BMP2K: variants seen among roughly 807,000 people sequenced by gnomAD.
BMP2K encodes BMP-2-inducible protein kinase.
Under a neutral mutation model 116.0 loss-of-function variants are expected in BMP2K, and 74 were observed. That is an observed-to-expected ratio of 0.64 (90% CI 0.53 to 0.77). The LOEUF is 0.77. BMP2K is among the 30% of genes least tolerant of loss of function. The probability of loss-of-function intolerance (pLI) is 0.00; values close to 1 mark genes in which losing one functional copy is unlikely to be tolerated. For missense variants in BMP2K, 1,365 were observed against 1,403.6 expected, an observed-to-expected ratio of 0.97 and a Z score of 0.44; for synonymous variants, 486 against 502.5, an observed-to-expected ratio of 0.97 and a Z score of 0.44.
chr4:78,872,220 G>A (rs1732393354), intron 12 of BMP2K: 1 of 245,166 alleles, frequency 4.1e-6, no homozygotes, highest in Admixed American at 6.8e-5. Flanking sequence ...TTCGTCACAT[G>A]TCTCTTTCAT....
At chr4:78,838,365 C>T (rs576096173) in intron 3 of BMP2K, among the ~76,000 whole-genome samples, 8 of 152,268 alleles carry the variant, frequency 5.3e-5, no homozygotes, top group African/African-American at 9.6e-5. Context: ...AAGTTTTCTT[C>T]GGATGTTTTA....
At chr4:78,873,385 C>T (rs79951663) in intron 13 of BMP2K, among the ~76,000 whole-genome samples, 1,615 of 152,232 alleles carry the variant, frequency 0.011, 23 homozygotes, top group African/African-American at 0.037. Flanking sequence ...CAAAATGGCA[C>T]GTGCTTTAGC....
chr4:78,897,183 A>C (rs1192902805), intron 15 of BMP2K, among the ~76,000 whole-genome samples: 5 of 145,454 alleles, frequency 3.4e-5, no homozygotes, highest in Non-Finnish European at 7.4e-5. Flanking sequence ...CAGCTTAAGA[A>C]AATGTTTTTT....
At chr4:78,877,754 T>C (rs1732698544) in intron 13 of BMP2K, among the ~76,000 whole-genome samples, 1 of 152,240 alleles carries the variant, frequency 6.6e-6, no homozygotes, top group East Asian at 1.9e-4. Context: ...TGCTATACTT[T>C]TATACAACTG....
chr4:78,912,309 G>A lies in BMP2K; in HGVS notation c.*276G>A, dbSNP rs1734682687. On this transcript the variant is annotated 3_prime_UTR_variant, in exon 16 of 16. Transcript: ENST00000502613. ...CAGAAATGCAAGTGTGGTACTTCCA[G>A]TGAAAGCACATGGCACCTTTCTAGG... 1 of 340,862 alleles carries A rather than the reference G, an allele frequency of 2.9e-6. No homozygotes were observed. The highest frequency in any genetic ancestry group is 2.1e-5 in the African/African-American group (1 of 47,522). The allele number at this position is 340,862 out of a possible 1,614,324, so 21.1% of individuals were successfully genotyped here.
At chr4:78,791,224 G>A (rs1727981114) in intron 1 of BMP2K, among the ~76,000 whole-genome samples, 1 of 151,996 alleles carries the variant, frequency 6.6e-6, no homozygotes, top group Non-Finnish European at 1.5e-5. Context: ...TTTGGTAATG[G>A]TTCTCAAAGT....
chr4:78,900,388 T>C (rs1733934963), intron 15 of BMP2K, among the ~76,000 whole-genome samples: 1 of 152,146 alleles, frequency 6.6e-6, no homozygotes, highest in Non-Finnish European at 1.5e-5. Flanking sequence ...AATCCCCTCA[T>C]TGTTCAAGGC....
At chr4:78,799,837 A>G (rs1414629781) in intron 1 of BMP2K, among the ~76,000 whole-genome samples, 1 of 152,226 alleles carries the variant, frequency 6.6e-6, no homozygotes, top group African/African-American at 2.4e-5. Flanking sequence ...CTGCCAACTC[A>G]GGTTGAAAGT....
At chr4:78,855,681 A>AGT (rs1292185669) in intron 7 of BMP2K, among the ~76,000 whole-genome samples, 2 of 152,154 alleles carry the variant, frequency 1.3e-5, no homozygotes, top group Non-Finnish European at 2.9e-5. Context: ...GCCTCAGACC[A>AGT]GTGTGTACAT....
intron 14 of BMP2K, among the ~76,000 whole-genome samples, chr4:78,882,115 T>A (rs1256672284): frequency 8.6e-5 from 13 of 151,912 alleles, no homozygotes; most frequent in Non-Finnish European, 1.5e-4. Flanking sequence ...GTTATTTTTT[T>A]AAAAACAAAA....
chr4:78,858,522 A>C (rs1252900491), intron 7 of BMP2K, among the ~76,000 whole-genome samples: 1 of 151,922 alleles, frequency 6.6e-6, no homozygotes, highest in Admixed American at 6.6e-5. Context: ...CTCTCAAATA[A>C]ATTATAACTT....
intron 15 of BMP2K, among the ~76,000 whole-genome samples, chr4:78,894,762 T>C (rs114948830): frequency 0.065 from 9,822 of 152,276 alleles, 1,023 homozygotes; most frequent in African/African-American, 0.22. Context: ...GCTTTTGACC[T>C]ATCTCAGCTT....
chr4:78,846,221 G>A (rs1730992197), intron 5 of BMP2K, among the ~76,000 whole-genome samples: 1 of 151,522 alleles, frequency 6.6e-6, no homozygotes, highest in South Asian at 2.1e-4. Flanking sequence ...CTCAATTAAT[G>A]GACTTACCAT....
At chr4:78,844,779 ATACT>A in intron 4 of BMP2K, 145 bp from the exon 5 acceptor site, 1 of 644,508 alleles carries the variant, frequency 1.6e-6, no homozygotes, top group Non-Finnish European at 2.7e-6. Flanking sequence ...TGGCACATGT[ATACT>A]TATTTTTGTA....
Position 78,801,660 on chromosome 4 carries a change from C to T in BMP2K, c.179-24377C>T, listed in dbSNP as rs1186205677. On this transcript the variant is annotated intron_variant, in intron 1 of 15. Transcript: ENST00000502613. ...TCTCTTTTCTCCATTTTATTTCTTG[C>T]CCTCTGCTATCTGGAAGACATATAT... Among the ~76,000 whole-genome samples, 4 of 152,076 alleles carry T rather than the reference C, an allele frequency of 2.6e-5. No homozygotes were observed. In the East Asian group the frequency reaches 5.8e-4, roughly 22 times the overall value.
chr4:78,790,128 C>T lies in BMP2K; in HGVS notation c.178+13407C>T, dbSNP rs149850962. On this transcript the variant is annotated intron_variant, in intron 1 of 15. Transcript: ENST00000502613. The stretch of plus-strand genomic sequence containing the variant: ...TATAAATTCCTATGATATTATAAAA[C>T]AGTTTCCTTAAAAATGACATGACAT... Among the ~76,000 whole-genome samples the T allele has an allele frequency of 2.6e-3, 394 of 152,246 alleles. 1 individual carries two copies. Among genetic ancestry groups the T allele is most frequent in the Non-Finnish European group, 4.4e-3 (302 of 68,000 alleles).
Position 78,778,265 on chromosome 4 carries a change from A to G in BMP2K, c.178+1544A>G, listed in dbSNP as rs117154515. 6.6e-5 allele frequency among the ~76,000 whole-genome samples: 10 copies of G among 152,346 alleles called. No individual in the cohort carries two copies. The East Asian group carries it at 1.2e-3, about 18-fold the overall frequency. On this transcript the variant is annotated intron_variant, in intron 1 of 15. Transcript: ENST00000502613. Reference sequence around the variant, plus strand: ...ATTAGATTTTGAATTTGTAACTTGTATTACTCACTACCCTAAGCATATCTT... The same window carrying G: ...ATTAGATTTTGAATTTGTAACTTGTGTTACTCACTACCCTAAGCATATCTT...
chr4:78,818,948 C>T (rs1729489136), intron 1 of BMP2K, among the ~76,000 whole-genome samples: 1 of 152,002 alleles, frequency 6.6e-6, no homozygotes, highest in Non-Finnish European at 1.5e-5. Flanking sequence ...AAGTGCATGC[C>T]ACCATGCCTG....
chr4:78,879,249 T>C, intron 14 of BMP2K: 2 of 1,017,878 alleles, frequency 2.0e-6, no homozygotes, highest in South Asian at 8.3e-5. Context: ...TTTGCAGCTC[T>C]GTTTTTCTGC....
Sources: gnomAD v4.1 joint callset for allele counts (sites outside exome capture counted in the v4.1 genomes callset) on GRCh38, gnomAD v4.1.1 for gene constraint, MANE v1.5 for transcripts, NCBI Gene and HGNC (gene_info 2026-07-23, HGNC 2026-07-21) for gene names.